PSME4: variants seen among roughly 807,000 people sequenced by gnomAD.
The protein encoded by PSME4 is proteasome activator complex subunit 4.
In PSME4, 89 loss-of-function variants were observed where a neutral mutation model predicts 253.9. The ratio of observed to expected loss-of-function variants is 0.35; its 90% CI spans 0.30 to 0.42. The LOEUF (loss-of-function observed/expected upper bound fraction) is 0.42, where lower values mean the gene tolerates loss of function less well. Among genes scored for constraint, PSME4 ranks in the 10% least tolerant of loss-of-function variants. The probability of loss-of-function intolerance (pLI) is 1.00; values close to 1 mark genes in which losing one functional copy is unlikely to be tolerated. For missense variants in PSME4, 2,014 were observed against 2,195.2 expected, an observed-to-expected ratio of 0.92 and a Z score of 1.65; for synonymous variants, 851 against 759.2, an observed-to-expected ratio of 1.12 and a Z score of -1.99.
rs916338023 is a variant in PSME4 at position 53,940,616 on chromosome 2, T to C, written c.501-616A>G. Among the ~76,000 whole-genome samples the C allele has an allele frequency of 2.6e-5, 4 of 151,906 alleles. No individual in the cohort carries two copies. In the South Asian group the frequency reaches 6.2e-4, roughly 24 times the overall value. On this transcript the variant is annotated intron_variant, in intron 3 of 46. Coordinates refer to ENST00000404125, the MANE Select transcript of PSME4 (RefSeq NM_014614.3). ...ACCAACATAAAAATGTGTGTATGAA[T>C]TTATAATCCACATTTCTTTTTTAAT...
At chr2:53,888,650 C>A in intron 38 of PSME4, 71 bp downstream of exon 38, 1 of 1,072,134 alleles carries the variant, frequency 9.3e-7, no homozygotes, top group Non-Finnish European at 1.4e-6. Flanking sequence ...ATAGACCATT[C>A]ATTTCCATTT....
At chr2:53,967,044 G>A (rs188704367) in intron 1 of PSME4, among the ~76,000 whole-genome samples, 2 of 152,280 alleles carry the variant, frequency 1.3e-5, no homozygotes, top group East Asian at 1.9e-4. Flanking sequence ...GGCCATACAA[G>A]TTATCTACCA....
chr2:53,889,499 A>G (rs1315041489), intron 37 of PSME4, among the ~76,000 whole-genome samples: 4 of 152,044 alleles, frequency 2.6e-5, no homozygotes, highest in Non-Finnish European at 4.4e-5. Flanking sequence ...AATATTCTCC[A>G]TCTCCTCAGG....
intron 3 of PSME4, among the ~76,000 whole-genome samples, chr2:53,943,590 C>T (rs1290552447): frequency 6.6e-6 from 1 of 152,028 alleles, no homozygotes; most frequent in Non-Finnish European, 1.5e-5. Context: ...CCTGTAATCC[C>T]AGCATTTTGG....
intron 1 of PSME4, among the ~76,000 whole-genome samples, chr2:53,953,870 T>C (rs1020309508): frequency 6.6e-6 from 1 of 152,224 alleles, no homozygotes; most frequent in Non-Finnish European, 1.5e-5. Context: ...ATATAGAATA[T>C]TTCTTTCAAC....
intron 1 of PSME4, among the ~76,000 whole-genome samples, chr2:53,951,335 G>A (rs1482561372): frequency 6.6e-6 from 1 of 152,208 alleles, no homozygotes; most frequent in African/African-American, 2.4e-5. Context: ...CCCTGCCTTG[G>A]CCTCCCAAAG....
At chr2:53,871,661 T>C (rs1678883439) in intron 43 of PSME4, among the ~76,000 whole-genome samples, 1 of 152,240 alleles carries the variant, frequency 6.6e-6, no homozygotes, top group Non-Finnish European at 1.5e-5. Context: ...TCTCTGCTCC[T>C]ATTACGTTCC....
At chr2:53,874,235 T>C in intron 43 of PSME4, 104 bp downstream of exon 43, 1 of 1,185,798 alleles carries the variant, frequency 8.4e-7, no homozygotes, top group East Asian at 2.4e-5. Context: ...GTTGAGGTTA[T>C]AAATATAAAC....
chr2:53,925,880 G>T (rs1668535430), intron 13 of PSME4, 79 bp downstream of exon 13: 1 of 1,451,842 alleles, frequency 6.9e-7, no homozygotes, highest in Non-Finnish European at 9.6e-7. Context: ...TTATAATGCA[G>T]AAATAAACTA....
intron 26 of PSME4, among the ~76,000 whole-genome samples, chr2:53,904,497 G>C (rs1169165587): frequency 6.6e-6 from 1 of 152,118 alleles, no homozygotes; most frequent in Non-Finnish European, 1.5e-5. Context: ...TAGATATAAA[G>C]AGCCAGATTT....
chr2:53,906,794 A>G lies in PSME4; in HGVS notation c.2847+12T>C. 1 of 1,611,478 alleles carries G rather than the reference A, an allele frequency of 6.2e-7. No individual in the cohort carries two copies. The highest frequency in any genetic ancestry group is 8.5e-7 in the Non-Finnish European group (1 of 1,179,178). ...ATTTTAAAAAGTCACTATGACTGAA[A>G]AACATATTTACCTCATGCTGTAACA... On this transcript the variant is annotated intron_variant, in intron 25 of 46. Coordinates refer to ENST00000404125, the MANE Select transcript of PSME4 (RefSeq NM_014614.3).
intron 20 of PSME4, among the ~76,000 whole-genome samples, chr2:53,912,614 C>G (rs1667874332): frequency 1.3e-5 from 2 of 152,154 alleles, no homozygotes; most frequent in African/African-American, 4.8e-5. Context: ...GTGCACACCA[C>G]CTCGCCAGCT....
At chr2:53,892,733 T>C (rs77215245) in intron 36 of PSME4, 75 bp downstream of exon 36, 70,268 of 1,327,824 alleles carry the variant, frequency 0.053, 2,222 homozygotes, top group Middle Eastern at 0.071. Flanking sequence ...CAGTATCTAA[T>C]GTGTTGGGAA....
At chr2:53,940,380 A>G (rs1250855926) in intron 3 of PSME4, among the ~76,000 whole-genome samples, 1 of 152,120 alleles carries the variant, frequency 6.6e-6, no homozygotes, top group East Asian at 1.9e-4. Context: ...CAAGCAGCAG[A>G]CAGACCAAAA....
chr2:53,920,096 C>T, intron 19 of PSME4, 97 bp downstream of exon 19: 1 of 1,094,306 alleles, frequency 9.1e-7, no homozygotes, highest in East Asian at 2.4e-5. Flanking sequence ...TTTCAAAACA[C>T]AATTGAAAAT....
At chr2:53,961,388 G>A (rs530256997) in intron 1 of PSME4, among the ~76,000 whole-genome samples, 1 of 152,150 alleles carries the variant, frequency 6.6e-6, no homozygotes, top group Non-Finnish European at 1.5e-5. Context: ...GGGAAGAGGC[G>A]CTAGGTGCAG....
chr2:53,948,287 T>C, intron 3 of PSME4, 134 bp downstream of exon 3: 1 of 666,270 alleles, frequency 1.5e-6, no homozygotes, highest in Non-Finnish European at 2.7e-6. Flanking sequence ...GTTTCAGGAG[T>C]CAAATTACAC....
chr2:53,897,610 T>G (rs898349415), intron 31 of PSME4, among the ~76,000 whole-genome samples: 1 of 152,200 alleles, frequency 6.6e-6, no homozygotes, highest in Non-Finnish European at 1.5e-5. Context: ...ACTGCACACC[T>G]AATTTTCTAA....
At chr2:53,887,130 A>T in intron 40 of PSME4, 129 bp downstream of exon 40, 2 of 794,398 alleles carry the variant, frequency 2.5e-6, no homozygotes, top group South Asian at 1.8e-5. Context: ...CTGTACACTT[A>T]AAAATGGTTA....
Sources: gnomAD v4.1 joint callset for allele counts (sites outside exome capture counted in the v4.1 genomes callset) on GRCh38, gnomAD v4.1.1 for gene constraint, MANE v1.5 for transcripts, NCBI Gene and HGNC (gene_info 2026-07-23, HGNC 2026-07-21) for gene names.